The following ABCB1 variants were observed in gnomAD, a reference collection of about 807,000 sequenced individuals.
ABCB1 encodes the protein ATP binding cassette subfamily B member 1, also known as ATP-dependent translocase ABCB1.
Under a neutral mutation model 142.0 loss-of-function variants are expected in ABCB1, and 69 were observed. That is an observed-to-expected ratio of 0.49 (90% CI 0.40 to 0.59). The LOEUF (loss-of-function observed/expected upper bound fraction) is 0.59, where lower values mean the gene tolerates loss of function less well. ABCB1 is among the 20% of genes least tolerant of loss of function. The probability of loss-of-function intolerance (pLI) is 0.00; values close to 1 mark genes in which losing one functional copy is unlikely to be tolerated. For missense variants in ABCB1, 1,326 were observed against 1,554.7 expected, an observed-to-expected ratio of 0.85 and a Z score of 2.47; for synonymous variants, 532 against 539.2, an observed-to-expected ratio of 0.99 and a Z score of 0.18.
chr7:87,695,618 T>A (rs550990141), intron 1 of ABCB1, among the ~76,000 whole-genome samples: 1 of 152,132 alleles, frequency 6.6e-6, no homozygotes, highest in Admixed American at 6.5e-5. Flanking sequence ...AACAGAACTT[T>A]CATTTGTGAA....
intron 20 of ABCB1, among the ~76,000 whole-genome samples, chr7:87,532,637 T>A (rs574169320): frequency 2.6e-5 from 4 of 152,270 alleles, no homozygotes; most frequent in African/African-American, 7.2e-5. Context: ...CCACCCCTTT[T>A]CCTAGGAAAC....
chr7:87,643,648 G>T (rs1397763220), intron 1 of ABCB1, among the ~76,000 whole-genome samples: 1 of 151,614 alleles, frequency 6.6e-6, no homozygotes, highest in East Asian at 1.9e-4. Flanking sequence ...AGCCTCCTGA[G>T]TAGCTGGGAC....
rs189516748 is a variant in ABCB1, at chr7:87,595,965, C to A, written c.69-151G>T. 1.3e-3 allele frequency: 816 copies of A among 650,166 alleles called. 8 individuals carry two copies. The African/African-American group carries it at 0.014, about 11-fold the overall frequency. 40.3% of individuals were successfully genotyped at this position (650,166 alleles called of 1,614,324 possible). On this transcript the variant is annotated intron_variant, in intron 2 of 27. Transcript: ENST00000622132. ...AAAAAACAGGATGATAATAGTATGA[C>A]CCCATTTATAATGTTTAAATATGTT...
At chr7:87,504,534 CAT>C (rs1814635941) in intron 27 of ABCB1, 85 bp from the exon 28 acceptor site, 10 of 1,547,424 alleles carry the variant, frequency 6.5e-6, no homozygotes, top group African/African-American at 1.4e-5. Flanking sequence ...GTAGGACGGG[CAT>C]GGTGGCTCAC....
chr7:87,625,419 T>C (rs1423725856), intron 1 of ABCB1, among the ~76,000 whole-genome samples: 2 of 152,210 alleles, frequency 1.3e-5, no homozygotes, highest in Non-Finnish European at 2.9e-5. Context: ...TCTCGTTCTG[T>C]CATGACCACT....
At chr7:87,701,934 G>A (rs1829078347) in intron 1 of ABCB1, among the ~76,000 whole-genome samples, 1 of 151,958 alleles carries the variant, frequency 6.6e-6, no homozygotes, top group Non-Finnish European at 1.5e-5. Context: ...ACGAGGTCAG[G>A]AGATCGAGAC....
chr7:87,612,909 C>G (rs1179513911), intron 1 of ABCB1, among the ~76,000 whole-genome samples: 1 of 151,740 alleles, frequency 6.6e-6, no homozygotes, highest in African/African-American at 2.4e-5. Context: ...GATGTATTTC[C>G]ATTTGTTTGT....
At chr7:87,592,849 T>A (rs986677786) in intron 3 of ABCB1, among the ~76,000 whole-genome samples, 10 of 151,836 alleles carry the variant, frequency 6.6e-5, no homozygotes, top group Non-Finnish European at 1.2e-4. Flanking sequence ...TAGAAAAAAA[T>A]TAATGTTTCC....
intron 16 of ABCB1, 83 bp from the exon 17 acceptor site, chr7:87,544,358 G>T (rs1195106176): frequency 3.8e-6 from 5 of 1,329,174 alleles, no homozygotes; most frequent in Non-Finnish European, 5.4e-6. Flanking sequence ...ATTAGTAAAG[G>T]AATATATCCT....
chr7:87,668,223 A>G (rs899613479), intron 1 of ABCB1, among the ~76,000 whole-genome samples: 8 of 151,442 alleles, frequency 5.3e-5, no homozygotes, highest in African/African-American at 1.5e-4. Flanking sequence ...GAGAGAGTGT[A>G]TACGTCCAGG....
At chr7:87,682,630 G>C (rs1432125350) in intron 1 of ABCB1, among the ~76,000 whole-genome samples, 1 of 152,150 alleles carries the variant, frequency 6.6e-6, no homozygotes, top group African/African-American at 2.4e-5. Context: ...TCTTTTTTCT[G>C]AGTAGTGGAT....
intron 25 of ABCB1, among the ~76,000 whole-genome samples, chr7:87,511,938 T>C (rs927733794): frequency 6.6e-6 from 1 of 152,078 alleles, no homozygotes; most frequent in Non-Finnish European, 1.5e-5. Flanking sequence ...CAGGGGTGAT[T>C]TAACAGTGAC....
chr7:87,628,520 C>T (rs375588579), intron 1 of ABCB1: 1 of 265,546 alleles, frequency 3.8e-6, no homozygotes. Flanking sequence ...GAGCGCCTGA[C>T]GCCGACCCGC....
rs73705279 is a variant in ABCB1, at chr7:87,628,125, G to A, written c.-330-27047C>T. Reference sequence around the variant, plus strand: ...CGTTAAAGCTTGGCTACAGGCAAGGGGGGGGCAATAGGCCCCTGGCGCTGT... The same window carrying A: ...CGTTAAAGCTTGGCTACAGGCAAGGAGGGGGCAATAGGCCCCTGGCGCTGT... On this transcript the variant is annotated intron_variant, in intron 1 of 28. Transcript: ENST00000265724. Among the ~76,000 whole-genome samples, 494 of 152,324 alleles carry A rather than the reference G, an allele frequency of 3.2e-3. 3 individuals carry two copies. Among genetic ancestry groups the A allele is most frequent in the African/African-American group, 0.011 (460 of 41,586 alleles).
intron 1 of ABCB1, chr7:87,628,584 CGT>C (rs71117546): frequency 0.13 from 36,720 of 288,500 alleles, 1,664 homozygotes; most frequent in African/African-American, 0.15. Flanking sequence ...TGCGTGCGTG[CGT>C]GTGTGTGTGT....
chr7:87,534,247 T>C (rs1816183016), intron 20 of ABCB1, among the ~76,000 whole-genome samples: 1 of 152,140 alleles, frequency 6.6e-6, no homozygotes, highest in Admixed American at 6.5e-5. Flanking sequence ...CCACGTCAAA[T>C]GTGATGCGGG....
intron 1 of ABCB1, among the ~76,000 whole-genome samples, chr7:87,647,497 C>T (rs950278828): frequency 1.3e-5 from 2 of 152,028 alleles, no homozygotes; most frequent in Admixed American, 6.6e-5. Flanking sequence ...CTACATTTTT[C>T]TTTTGGAAAA....
chr7:87,706,964 G>A (rs1320965856), intron 1 of ABCB1, among the ~76,000 whole-genome samples: 1 of 152,090 alleles, frequency 6.6e-6, no homozygotes, highest in East Asian at 1.9e-4. Context: ...CAAGGTGAAG[G>A]GGAACTGTAA....
At chr7:87,602,086 C>T (rs555439148), upstream of ABCB1, among the ~76,000 whole-genome samples, 5 of 152,144 alleles carry the variant, frequency 3.3e-5, no homozygotes, top group East Asian at 5.8e-4. Flanking sequence ...CTCCGCCTCC[C>T]GGGTTCACAC....
Sources: allele counts gnomAD v4.1 joint callset (sites outside exome capture counted in the v4.1 genomes callset), GRCh38; gene constraint gnomAD v4.1.1; transcripts MANE v1.5; gene names NCBI Gene and HGNC (gene_info 2026-07-23, HGNC 2026-07-21).